ADM5: variants seen among roughly 807,000 people sequenced by gnomAD.
The protein encoded by ADM5 is putative adrenomedullin-5-like protein.
ADM5 carries 1 observed loss-of-function variant against 2.9 expected under a neutral mutation model. That is an observed-to-expected ratio of 0.35 (90% CI 0.12 to 1.65). The LOEUF is 1.65. ADM5 is among the 40% of genes most tolerant of loss of function. The pLI, the probability that ADM5 is intolerant of heterozygous loss-of-function variation, is 0.36. For synonymous variants in ADM5, 90 were observed against 91.1 expected, an observed-to-expected ratio of 0.99 and a Z score of 0.07; for missense variants, 192 against 205.2, an observed-to-expected ratio of 0.94 and a Z score of 0.39.
chr19:49,689,824 C>A lies in ADM5; in HGVS notation c.-14C>A. 1 of 1,613,868 alleles carries A rather than the reference C, an allele frequency of 6.2e-7. No individual in the cohort carries two copies. The highest frequency in any genetic ancestry group is 8.5e-7 in the Non-Finnish European group (1 of 1,179,860). On this transcript the variant is annotated 5_prime_UTR_variant, in exon 1 of 2. Coordinates refer to ENST00000420022, the MANE Select transcript of ADM5 (RefSeq NM_001101340.2). ...GCAACTACGGGCCACGGATCCTGAC[C>A]CGCCCTGCCCACGATGACTATCCAC...
Position 49,690,173 on chromosome 19 carries a change from C to T in ADM5, c.142C>T (p.Arg48Cys). Reference protein sequence around the residue: ...VCYLGVCRTHRLAEIIYWIRC... With the variant: ...VCYLGVCRTHCLAEIIYWIRC... ...CTACCTGGGCGTATGCCGGACCCAC[C>T]GCCTGGCGGAGATCATATACTGGAT... Residue 48 changes from arginine to cysteine, a missense_variant, in exon 2 of 2, where the codon CGC becomes TGC. Arg to Cys is a radical substitution (Grantham distance 180). Transcript: ENST00000420022. This position sits in a 1 kb window ranked among gnomAD's most constrained non-coding sequence, Gnocchi z 4.4. 1.3e-6 allele frequency: 2 copies of T among 1,568,042 alleles called. No individual in the cohort carries two copies. Among genetic ancestry groups the T allele is most frequent in the Non-Finnish European group, 1.7e-6 (2 of 1,157,330 alleles).
In ADM5 at chr19:49,689,883, G is replaced by T. The variant is rs775073277; in HGVS notation, c.46G>T (p.Ala16Ser). Residue 16 changes from alanine (A) to serine (S), a missense_variant, in exon 1 of 2, where the codon GCC (alanine) becomes TCC (serine). Coordinates refer to ENST00000420022, the MANE Select transcript of ADM5 (RefSeq NM_001101340.2). The stretch of plus-strand genomic sequence containing the variant: ...CCTGCTGTTGCTCCTCGCCTTCTCC[G>T]CCCAAGGGGACCTGGACACTGCAGC... ...LILLLLLAFS[A>S]QGDLDTAARR... 1.3e-5 allele frequency: 21 copies of T among 1,613,856 alleles called. No homozygotes were observed. Among genetic ancestry groups the T allele is most frequent in the Admixed American group, 6.7e-5 (4 of 60,002 alleles).
rs1157743873 is a variant in ADM5, at chr19:49,689,854, T to C, written c.17T>C (p.Leu6Pro). 9 of 1,613,828 alleles carry C rather than the reference T, an allele frequency of 5.6e-6. No individual in the cohort carries two copies. The highest frequency in any genetic ancestry group is 7.6e-6 in the Non-Finnish European group (9 of 1,179,884). ...CTGCCCACGATGACTATCCACATCCTCATCCTGCTGTTGCTCCTCGCCTTC... is the reference window on the plus strand; with the variant it reads ...CTGCCCACGATGACTATCCACATCCCCATCCTGCTGTTGCTCCTCGCCTTC... MTIHILILLLLLAFSA... is the reference protein window; with the variant it reads MTIHIPILLLLLAFSA... The change falls in exon 1 of 2, where the codon CTC (leucine) becomes CCC (proline). Residue 6 changes from leucine (L) to proline (P), a missense_variant. By Grantham distance (98) the Leu-to-Pro change is moderately conservative. Coordinates refer to ENST00000420022, the MANE Select transcript of ADM5 (RefSeq NM_001101340.2).
rs1221861684 is a variant in ADM5 at position 49,690,176 on chromosome 19, C to T, written c.145C>T (p.Leu49=). ...CYLGVCRTHR[L]AEIIYWIRCL... Reference sequence around the variant, plus strand: ...CCTGGGCGTATGCCGGACCCACCGCCTGGCGGAGATCATATACTGGATTCG... The same window carrying T: ...CCTGGGCGTATGCCGGACCCACCGCTTGGCGGAGATCATATACTGGATTCG... Residue 49 remains leucine (L), a synonymous_variant, in exon 2 of 2, where the codon CTG becomes TTG. Transcript: ENST00000420022. This position sits in a 1 kb window ranked among gnomAD's most constrained non-coding sequence, Gnocchi z 4.4. 6.4e-7 allele frequency: 1 copy of T among 1,567,386 alleles called. No homozygotes were observed.
chr19:49,689,855 C>T lies in ADM5; in HGVS notation c.18C>T (p.Leu6=), dbSNP rs887969361. The T allele has an allele frequency of 1.9e-6, 3 of 1,613,894 alleles. No homozygotes were observed. In the African/African-American group the frequency reaches 4.0e-5, roughly 22 times the overall value. ...TGCCCACGATGACTATCCACATCCT[C>T]ATCCTGCTGTTGCTCCTCGCCTTCT... MTIHI[L]ILLLLLAFSA... Residue 6 remains leucine, a synonymous_variant, in exon 1 of 2, where the codon CTC becomes CTT. Coordinates refer to ENST00000420022, the MANE Select transcript of ADM5 (RefSeq NM_001101340.2).
Position 49,690,498 on chromosome 19 carries a change from G to A in ADM5, c.*5G>A. On this transcript the variant is annotated 3_prime_UTR_variant, in exon 2 of 2. Coordinates refer to ENST00000420022, the MANE Select transcript of ADM5 (RefSeq NM_001101340.2). This position sits in a 1 kb window ranked among gnomAD's most constrained non-coding sequence, Gnocchi z 4.4. ...CCCTCCCCGGGCTGCGACTAGGTTG[G>A]ACCTAGAAGCACACGGGACCAGGCT... The A allele has an allele frequency of 2.0e-6, 3 of 1,495,430 alleles. No individual in the cohort carries two copies. Among genetic ancestry groups the A allele is most frequent in the Non-Finnish European group, 2.7e-6 (3 of 1,114,164 alleles). 92.6% of individuals were successfully genotyped at this position (1,495,430 alleles called of 1,614,324 possible).
At position 49,689,672 on chromosome 19, in the gene ADM5, C is replaced by T. The variant is rs1210479308; in HGVS notation, c.-166C>T. Reference sequence around the variant, plus strand: ...TGAATCCTGCCCCTCTGGTGTGGTGCGGCCTCTTCCCACAGACTTTTGGCC... The same window carrying T: ...TGAATCCTGCCCCTCTGGTGTGGTGTGGCCTCTTCCCACAGACTTTTGGCC... On this transcript the variant is annotated 5_prime_UTR_variant, in exon 1 of 2. Coordinates refer to ENST00000420022, the MANE Select transcript of ADM5 (RefSeq NM_001101340.2). 7.4e-6 allele frequency: 6 copies of T among 809,222 alleles called. No homozygotes were observed. Among genetic ancestry groups the T allele is most frequent in the Non-Finnish European group, 1.2e-5 (6 of 503,770 alleles). The allele number at this position is 809,222 out of a possible 1,614,324, so 50.1% of individuals were successfully genotyped here. A position where few individuals can be genotyped will look rare whatever the true frequency, so the allele number is the denominator to read the frequency against.
rs557607237 is a variant in ADM5 at position 49,690,451 on chromosome 19, C to T, written c.420C>T (p.Ala140=). Residue 140 remains alanine, a synonymous_variant, in exon 2 of 2, where the codon GCC becomes GCT. Coordinates refer to ENST00000420022, the MANE Select transcript of ADM5 (RefSeq NM_001101340.2). The surrounding 1 kb of genome is among the most constrained non-coding windows in gnomAD (Gnocchi z 4.4). ...ACATTTCTTCTCCCCTAACTCCAGC[C>T]CCTGAAACCGTCTTCCCCAGTCCCT... The part of the protein sequence containing the change: ...LLHISSPLTP[A]PETVFPSPSP... 5.8e-6 allele frequency: 9 copies of T among 1,539,350 alleles called. No homozygotes were observed. The Admixed American group carries it at 6.0e-5, about 10-fold the overall frequency.
At position 49,689,813 on chromosome 19, in the gene ADM5, CGGAT is replaced by C; in HGVS notation, c.-24_-21del. On this transcript the variant is annotated 5_prime_UTR_variant, in exon 1 of 2. Coordinates refer to ENST00000420022, the MANE Select transcript of ADM5 (RefSeq NM_001101340.2). The stretch of plus-strand genomic sequence containing the variant: ...GCGGGGTGGCCGCAACTACGGGCCA[CGGAT>C]CCTGACCCGCCCTGCCCACGATGAC... 1 of 1,613,636 alleles carries C rather than the reference CGGAT, an allele frequency of 6.2e-7. No individual in the cohort carries two copies. The highest frequency in any genetic ancestry group is 1.3e-5 in the African/African-American group (1 of 75,058).
chr19:49,690,528 G>A lies in ADM5; in HGVS notation c.*35G>A, dbSNP rs185092749. 6.3e-6 allele frequency: 9 copies of A among 1,433,608 alleles called. No individual in the cohort carries two copies. The Admixed American group carries it at 2.1e-4, about 34-fold the overall frequency. The allele number at this position is 1,433,608 out of a possible 1,614,324, so 88.8% of individuals were successfully genotyped here. A position where few individuals can be genotyped will look rare whatever the true frequency, so the allele number is the denominator to read the frequency against. Reference sequence around the variant, plus strand: ...AGAAGCACACGGGACCAGGCTGGGCGAAGAACACTGACGCCCAGAGCCGAA... The same window carrying A: ...AGAAGCACACGGGACCAGGCTGGGCAAAGAACACTGACGCCCAGAGCCGAA... On this transcript the variant is annotated 3_prime_UTR_variant, in exon 2 of 2. Coordinates refer to ENST00000420022, the MANE Select transcript of ADM5 (RefSeq NM_001101340.2). The surrounding 1 kb of genome is among the most constrained non-coding windows in gnomAD (Gnocchi z 4.4).
chr19:49,690,463 C>G lies in ADM5; in HGVS notation c.432C>G (p.Val144=). The G allele has an allele frequency of 6.5e-7, 1 of 1,530,056 alleles. No homozygotes were observed. Among genetic ancestry groups the G allele is most frequent in the Non-Finnish European group, 8.8e-7 (1 of 1,132,140 alleles). The allele number at this position is 1,530,056 out of a possible 1,614,324, so 94.8% of individuals were successfully genotyped here. A position where few individuals can be genotyped will look rare whatever the true frequency, so the allele number is the denominator to read the frequency against. ...CCCTAACTCCAGCCCCTGAAACCGT[C>G]TTCCCCAGTCCCTCCCCGGGCTGCG... is the stretch of plus-strand genomic sequence containing the variant. ...SSPLTPAPET[V]FPSPSPGCD is the part of the protein sequence containing the mutation. The change falls in exon 2 of 2, where the codon GTC becomes GTG. Residue 144 remains valine (V), a synonymous_variant. Coordinates refer to ENST00000420022, the MANE Select transcript of ADM5 (RefSeq NM_001101340.2). This position sits in a 1 kb window ranked among gnomAD's most constrained non-coding sequence, Gnocchi z 4.4.
chr19:49,690,469 C>T lies in ADM5; in HGVS notation c.438C>T (p.Pro146=). Residue 146 remains proline, a synonymous_variant, in exon 2 of 2, where the codon CCC becomes CCT. Coordinates refer to ENST00000420022, the MANE Select transcript of ADM5 (RefSeq NM_001101340.2). This position sits in a 1 kb window ranked among gnomAD's most constrained non-coding sequence, Gnocchi z 4.4. ...PLTPAPETVF[P]SPSPGCD ...CTCCAGCCCCTGAAACCGTCTTCCC[C>T]AGTCCCTCCCCGGGCTGCGACTAGG... 6.6e-7 allele frequency: 1 copy of T among 1,523,898 alleles called. No individual in the cohort carries two copies. Among genetic ancestry groups the T allele is most frequent in the Non-Finnish European group, 8.9e-7 (1 of 1,128,298 alleles). The allele number at this position is 1,523,898 out of a possible 1,614,324, so 94.4% of individuals were successfully genotyped here. A position where few individuals can be genotyped will look rare whatever the true frequency, so the allele number is the denominator to read the frequency against.
chr19:49,689,872 T>C lies in ADM5; in HGVS notation c.35T>C (p.Leu12Pro), dbSNP rs573688973. ...CACATCCTCATCCTGCTGTTGCTCCTCGCCTTCTCCGCCCAAGGGGACCTG... is the reference window on the plus strand; with the variant it reads ...CACATCCTCATCCTGCTGTTGCTCCCCGCCTTCTCCGCCCAAGGGGACCTG... ...TIHILILLLL[L>P]AFSAQGDLDT... Residue 12 changes from leucine to proline, a missense_variant, in exon 1 of 2, where the codon CTC (leucine) becomes CCC (proline). Coordinates refer to ENST00000420022, the MANE Select transcript of ADM5 (RefSeq NM_001101340.2). 4.6e-5 allele frequency: 74 copies of C among 1,613,974 alleles called. No individual in the cohort carries two copies. In the East Asian group the frequency reaches 1.2e-3, roughly 26 times the overall value.
At position 49,690,351 on chromosome 19, in the gene ADM5, G is replaced by T. The variant is rs1030401363; in HGVS notation, c.320G>T (p.Arg107Leu). 11 of 1,551,464 alleles carry T rather than the reference G, an allele frequency of 7.1e-6. No individual in the cohort carries two copies. The highest frequency in any genetic ancestry group is 9.6e-6 in the Non-Finnish European group (11 of 1,146,878). ...AARGLAQCPARWVTSGTARPL... is the reference protein window; with the variant it reads ...AARGLAQCPALWVTSGTARPL... ...AGGGGGCTAGCGCAGTGCCCAGCTC[G>T]CTGGGTGACCTCGGGCACGGCTCGT... Residue 107 changes from arginine to leucine, a missense_variant, in exon 2 of 2, where the codon CGC becomes CTC. Coordinates refer to ENST00000420022, the MANE Select transcript of ADM5 (RefSeq NM_001101340.2). The surrounding 1 kb of genome is among the most constrained non-coding windows in gnomAD (Gnocchi z 4.4).
At position 49,690,489 on chromosome 19, in the gene ADM5, A is replaced by G; in HGVS notation, c.458A>G (p.Asp153Gly). The G allele has an allele frequency of 1.3e-6, 2 of 1,503,940 alleles. No homozygotes were observed. Among genetic ancestry groups the G allele is most frequent in the Non-Finnish European group, 1.8e-6 (2 of 1,117,892 alleles). 93.2% of individuals were successfully genotyped at this position (1,503,940 alleles called of 1,614,324 possible). ...TTCCCCAGTCCCTCCCCGGGCTGCGACTAGGTTGGACCTAGAAGCACACGG... is the reference window on the plus strand; with the variant it reads ...TTCCCCAGTCCCTCCCCGGGCTGCGGCTAGGTTGGACCTAGAAGCACACGG... ...TVFPSPSPGC[D>G] The change falls in exon 2 of 2, where the codon GAC becomes GGC. Residue 153 changes from aspartate (D) to glycine (G), a missense_variant. By Grantham distance (94) the Asp-to-Gly change is moderately conservative. Coordinates refer to ENST00000420022, the MANE Select transcript of ADM5 (RefSeq NM_001101340.2). This position sits in a 1 kb window ranked among gnomAD's most constrained non-coding sequence, Gnocchi z 4.4.
rs2082283681 is a variant in ADM5, at chr19:49,689,681, C to T, written c.-157C>T. 2 of 910,174 alleles carry T rather than the reference C, an allele frequency of 2.2e-6. No homozygotes were observed. The highest frequency in any genetic ancestry group is 2.9e-4 in the Middle Eastern group (1 of 3,404). The allele number at this position is 910,174 out of a possible 1,614,324, so 56.4% of individuals were successfully genotyped here. A position where few individuals can be genotyped will look rare whatever the true frequency, so the allele number is the denominator to read the frequency against. ...CCCCTCTGGTGTGGTGCGGCCTCTT[C>T]CCACAGACTTTTGGCCTCAGTGTTC... On this transcript the variant is annotated 5_prime_UTR_variant, in exon 1 of 2. Transcript: ENST00000420022.
At chr19:49,689,985 G>A in intron 1 of ADM5, 74 bp downstream of exon 1, 2 of 1,610,348 alleles carry the variant, frequency 1.2e-6, no homozygotes, top group East Asian at 2.2e-5. Flanking sequence ...TCCCGGCCGC[G>A]GAACGGGCAG....
chr19:49,690,558 C>CTA lies in ADM5; in HGVS notation c.*65_*66insTA, dbSNP rs1167285214. ...ACACTGACGCCCAGAGCCGAATAAA[C>CTA]AAGAGTTCCGTGTTTCAGTCTCTGC... On this transcript the variant is annotated 3_prime_UTR_variant, in exon 2 of 2. Coordinates refer to ENST00000420022, the MANE Select transcript of ADM5 (RefSeq NM_001101340.2). This position sits in a 1 kb window ranked among gnomAD's most constrained non-coding sequence, Gnocchi z 4.4. 4 of 1,362,534 alleles carry CTA rather than the reference C, an allele frequency of 2.9e-6. No homozygotes were observed. The highest frequency in any genetic ancestry group is 3.9e-6 in the Non-Finnish European group (4 of 1,018,554). 84.4% of individuals were successfully genotyped at this position (1,362,534 alleles called of 1,614,324 possible).
At chr19:49,689,937 A>T (rs369071772) in intron 1 of ADM5, 26 bp downstream of exon 1, 1 of 1,613,748 alleles carries the variant, frequency 6.2e-7, no homozygotes, top group African/African-American at 1.3e-5. Context: ...GGCAGCAGGG[A>T]CAGGGCGGGA....
Sources: gnomAD v4.1 joint callset for allele counts on GRCh38, gnomAD v4.1.1 for gene constraint, Gnocchi (gnomAD v3.1) non-coding constraint, MANE v1.5 for transcripts, NCBI Gene and HGNC (gene_info 2026-07-23, HGNC 2026-07-21) for gene names.